ATL3: variants seen among roughly 807,000 people sequenced by gnomAD.
ATL3 encodes the protein atlastin-3.
In ATL3, 49 loss-of-function variants were observed where a neutral mutation model predicts 69.5. The observed-to-expected ratio is 0.71, with a 90% confidence interval of 0.56 to 0.89. The LOEUF (loss-of-function observed/expected upper bound fraction) is 0.89, where lower values mean the gene tolerates loss of function less well. ATL3 is among the 40% of genes least tolerant of loss of function. The pLI, the probability that ATL3 is intolerant of heterozygous loss-of-function variation, is 0.00. For synonymous variants in ATL3, 214 were observed against 224.1 expected (o/e 0.95, Z 0.40); for missense variants, 606 against 645.7 (o/e 0.94, Z 0.67).
intron 3 of ATL3, among the ~76,000 whole-genome samples, chr11:63,656,006 C>G (rs573934923): frequency 3.3e-5 from 5 of 152,130 alleles, no homozygotes; most frequent in African/African-American, 1.2e-4. Context: ...GGGCAGATCA[C>G]GAGGTCAGGA....
At chr11:63,652,432 T>C in intron 4 of ATL3, 39 bp downstream of exon 4, 1 of 1,311,314 alleles carries the variant, frequency 7.6e-7, no homozygotes, top group South Asian at 1.6e-5. Context: ...TTTATCTTAT[T>C]TCCTTTGCGA....
chr11:63,671,554 T>G (rs1047236867), upstream of ATL3: 4 of 1,425,504 alleles, frequency 2.8e-6, no homozygotes, highest in Middle Eastern at 2.4e-4. Context: ...AGGACGAGGC[T>G]AGGCGAGGCG....
intron 3 of ATL3, among the ~76,000 whole-genome samples, chr11:63,652,979 G>T (rs1233911060): frequency 2.0e-5 from 3 of 152,060 alleles, no homozygotes; most frequent in African/African-American, 7.2e-5. Flanking sequence ...CAGCACTTGA[G>T]CCCAGTTCAA....
At position 63,631,875 on chromosome 11, in the gene ATL3, A is replaced by T. The variant is rs570459399; in HGVS notation, c.1108-404T>A. Reference sequence around the variant, plus strand: ...CAGGCACCTGTAATCCCAGCTACTCAGAAGGCTGAGGCAGGAGAACCGCTT... The same window carrying T: ...CAGGCACCTGTAATCCCAGCTACTCTGAAGGCTGAGGCAGGAGAACCGCTT... On this transcript the variant is annotated intron_variant, in intron 11 of 12. Coordinates refer to ENST00000398868, the MANE Select transcript of ATL3 (RefSeq NM_015459.5). Among the ~76,000 whole-genome samples the T allele has an allele frequency of 6.6e-5, 10 of 152,280 alleles. No individual in the cohort carries two copies. In the South Asian group the frequency reaches 2.1e-3, roughly 32 times the overall value.
chr11:63,632,776 T>C (rs1939365293), intron 11 of ATL3: 1 of 862,554 alleles, frequency 1.2e-6, no homozygotes, highest in Admixed American at 2.1e-5. Context: ...GTGAATTTAT[T>C]ACTCCCATTG....
chr11:63,669,184 A>G (rs1940691814), intron 1 of ATL3, among the ~76,000 whole-genome samples: 1 of 152,024 alleles, frequency 6.6e-6, no homozygotes. Context: ...CCTGTCTTCT[A>G]ATCTGTTAAC....
chr11:63,643,543 C>A, intron 7 of ATL3, 48 bp from the exon 8 acceptor site: 1 of 1,564,020 alleles, frequency 6.4e-7, no homozygotes. Flanking sequence ...ATTTGGTTTT[C>A]TTCACTAGGG....
At chr11:63,656,388 GA>G (rs1282752377) in intron 3 of ATL3, among the ~76,000 whole-genome samples, 2 of 151,914 alleles carry the variant, frequency 1.3e-5, no homozygotes, top group Non-Finnish European at 2.9e-5. Flanking sequence ...AAAAAAGACA[GA>G]TTAGGTACAA....
Position 63,652,659 on chromosome 11 carries a change from A to G in ATL3, c.406-84T>C, listed in dbSNP as rs139691915. On this transcript the variant is annotated intron_variant, in intron 3 of 12. Transcript: ENST00000398868. Reference sequence around the variant, plus strand: ...GGAGAAATTGAAAAGTACAGGTAATATATACTTAAGTACAGGTAATGTTTA... The same window carrying G: ...GGAGAAATTGAAAAGTACAGGTAATGTATACTTAAGTACAGGTAATGTTTA... The G allele has an allele frequency of 2.6e-5, 25 of 944,622 alleles. No homozygotes were observed. The African/African-American group carries it at 4.1e-4, about 15-fold the overall frequency. 58.5% of individuals were successfully genotyped at this position (944,622 alleles called of 1,614,324 possible). A position where few individuals can be genotyped will look rare whatever the true frequency, so the allele number is the denominator to read the frequency against.
At chr11:63,666,543 C>T (rs4963426) in intron 1 of ATL3, among the ~76,000 whole-genome samples, 8,185 of 151,996 alleles carry the variant, frequency 0.054, 373 homozygotes, top group Admixed American at 0.1. Flanking sequence ...TTTTCAGTTT[C>T]ATCACTAAAA....
chr11:63,666,318 C>T (rs1278630945), intron 1 of ATL3, among the ~76,000 whole-genome samples: 2 of 152,164 alleles, frequency 1.3e-5, no homozygotes, highest in Admixed American at 1.3e-4. Context: ...GGATTACAGG[C>T]GTGAGCCACC....
upstream of ATL3, chr11:63,671,925 C>A: frequency 4.2e-6 from 1 of 239,318 alleles, no homozygotes; most frequent in Non-Finnish European, 8.0e-6. Flanking sequence ...GGCCTGGGAC[C>A]ACAGGTGGGC....
chr11:63,648,387 A>G (rs117982270), intron 5 of ATL3, among the ~76,000 whole-genome samples: 8,206 of 152,324 alleles, frequency 0.054, 373 homozygotes, highest in Admixed American at 0.1. Context: ...AAATAGCTAG[A>G]TAACCTTGCC....
At chr11:63,644,300 A>T (rs1354346041) in intron 6 of ATL3, 39 bp from the exon 7 acceptor site, 1 of 1,298,866 alleles carries the variant, frequency 7.7e-7, no homozygotes, top group Non-Finnish European at 1.1e-6. Context: ...TAACATGCAT[A>T]AACACATTTT....
intron 8 of ATL3, among the ~76,000 whole-genome samples, chr11:63,640,276 CT>C (rs916767707): frequency 9.2e-5 from 14 of 151,922 alleles, no homozygotes; most frequent in African/African-American, 3.4e-4. Flanking sequence ...GCAGATGTAC[CT>C]TAATTTTTGT....
At chr11:63,636,121 T>A in intron 9 of ATL3, 86 bp downstream of exon 9, 1 of 1,538,668 alleles carries the variant, frequency 6.5e-7, no homozygotes, top group Admixed American at 2.0e-5. Flanking sequence ...TTTTTAAGTT[T>A]CAAAATATTT....
rs1939185271 is a variant in ATL3 at position 63,628,296 on chromosome 11, T to C, written c.*1023A>G. The C allele has an allele frequency of 6.6e-6, 1 of 151,698 alleles. No homozygotes were observed. Among genetic ancestry groups the C allele is most frequent in the African/African-American group, 2.4e-5 (1 of 41,222 alleles). 9.4% of individuals were successfully genotyped at this position (151,698 alleles called of 1,614,324 possible). A position where few individuals can be genotyped will look rare whatever the true frequency, so the allele number is the denominator to read the frequency against. ...CTTTTCAAGGCACGTTTGCCTCTTTTTCTAGAAAGAAGCTATAGGGACCAA... is the reference window on the plus strand; with the variant it reads ...CTTTTCAAGGCACGTTTGCCTCTTTCTCTAGAAAGAAGCTATAGGGACCAA... On this transcript the variant is annotated 3_prime_UTR_variant, in exon 13 of 13. Coordinates refer to ENST00000398868, the MANE Select transcript of ATL3 (RefSeq NM_015459.5).
chr11:63,644,769 T>C (rs922717190), intron 6 of ATL3, among the ~76,000 whole-genome samples: 1 of 152,196 alleles, frequency 6.6e-6, no homozygotes, highest in African/African-American at 2.4e-5. Flanking sequence ...GAGGTCAATA[T>C]ATCCTATCTG....
intron 5 of ATL3, among the ~76,000 whole-genome samples, chr11:63,648,021 T>C (rs533183683): frequency 6.6e-6 from 1 of 152,278 alleles, no homozygotes; most frequent in South Asian, 2.1e-4. Flanking sequence ...CTAGGAAATA[T>C]GTGAGTCTTA....
Sources: allele counts gnomAD v4.1 joint callset (sites outside exome capture counted in the v4.1 genomes callset), GRCh38; gene constraint gnomAD v4.1.1; transcripts MANE v1.5; gene names NCBI Gene and HGNC (gene_info 2026-07-23, HGNC 2026-07-21).